The following LDLRAD4 variants were observed in gnomAD, a reference collection of about 807,000 sequenced individuals.
LDLRAD4 encodes low density lipoprotein receptor class A domain containing 4, also known as low-density lipoprotein receptor class A domain-containing protein 4.
Under a neutral mutation model 17.0 loss-of-function variants are expected in LDLRAD4, and 5 were observed. That is an observed-to-expected ratio of 0.29 (90% CI 0.15 to 0.62). LDLRAD4 has a LOEUF of 0.62. Among genes scored for constraint, LDLRAD4 ranks in the 20% least tolerant of loss-of-function variants. The pLI is 0.84. For missense variants in LDLRAD4, 340 were observed against 424.7 expected (o/e 0.80, Z 1.75); for synonymous variants, 168 against 171.8 (o/e 0.98, Z 0.17).
intron 2 of LDLRAD4, among the ~76,000 whole-genome samples, chr18:13,433,034 A>G (rs1232563807): frequency 6.6e-6 from 1 of 152,190 alleles, no homozygotes; most frequent in Non-Finnish European, 1.5e-5. Flanking sequence ...TCCTTTTATT[A>G]TAGGATATCT....
intron 1 of LDLRAD4, among the ~76,000 whole-genome samples, chr18:13,372,501 AAACAGCACAC>A (rs1367279693): frequency 6.6e-6 from 1 of 152,184 alleles, no homozygotes; most frequent in African/African-American, 2.4e-5. Context: ...ACAGAGAACA[AAACAGCACAC>A]AACAAGCAAT....
chr18:13,427,956 A>G (rs1249469855), intron 2 of LDLRAD4, among the ~76,000 whole-genome samples: 6 of 152,172 alleles, frequency 3.9e-5, no homozygotes, highest in Admixed American at 6.5e-5. Flanking sequence ...GAACCTCTCC[A>G]CAGGCTTTTA....
chr18:13,396,379 C>T (rs1409209502), intron 2 of LDLRAD4, among the ~76,000 whole-genome samples: 1 of 152,240 alleles, frequency 6.6e-6, no homozygotes, highest in Non-Finnish European at 1.5e-5. Context: ...ACTTAGAACA[C>T]ACAGACATCC....
At chr18:13,481,411 C>T (rs1163852747) in intron 3 of LDLRAD4, among the ~76,000 whole-genome samples, 1 of 152,160 alleles carries the variant, frequency 6.6e-6, no homozygotes. Flanking sequence ...GAAGCGGGGG[C>T]ACGTGTAGAC....
chr18:13,491,634 T>C (rs1484669232), intron 3 of LDLRAD4: 1 of 152,212 alleles, frequency 6.6e-6, no homozygotes, highest in Non-Finnish European at 1.5e-5. Context: ...ACGTTTGATT[T>C]TATAGCAAAA....
chr18:13,374,657 C>T (rs12458792), intron 1 of LDLRAD4, among the ~76,000 whole-genome samples: 27 of 152,260 alleles, frequency 1.8e-4, no homozygotes, highest in African/African-American at 6.0e-4. Flanking sequence ...GCCCCAGCCC[C>T]GACAGATAGT....
chr18:13,640,392 C>G (rs983719708), intron 4 of LDLRAD4, among the ~76,000 whole-genome samples: 1 of 151,948 alleles, frequency 6.6e-6, no homozygotes, highest in Non-Finnish European at 1.5e-5. Context: ...CTGTTACATT[C>G]CTGCAAAAAA....
At chr18:13,224,396 C>T (rs528473539) in intron 1 of LDLRAD4, among the ~76,000 whole-genome samples, 3 of 152,174 alleles carry the variant, frequency 2.0e-5, no homozygotes, top group Non-Finnish European at 4.4e-5. Flanking sequence ...GCTGGGAATG[C>T]CCCCACCAGC....
At chr18:13,354,790 C>T (rs896053622) in intron 1 of LDLRAD4, among the ~76,000 whole-genome samples, 2 of 152,146 alleles carry the variant, frequency 1.3e-5, no homozygotes, top group South Asian at 4.2e-4. Flanking sequence ...GCAGTTTGGT[C>T]GGCACTGAGG....
At position 13,622,505 on chromosome 18, in the gene LDLRAD4, C is replaced by G. The variant is rs1323372637; in HGVS notation, c.336+1234C>G. 6.6e-6 allele frequency among the ~76,000 whole-genome samples: 1 copy of G among 152,206 alleles called. No homozygotes were observed. Among genetic ancestry groups the G allele is most frequent in the East Asian group, 1.9e-4 (1 of 5,200 alleles). On this transcript the variant is annotated intron_variant, in intron 4 of 5. Coordinates refer to ENST00000359446, the Ensembl canonical transcript of LDLRAD4. This position sits in a 1 kb window ranked among gnomAD's most constrained non-coding sequence, Gnocchi z 5.3. ...CATCCTCTCTTGCCCCTTCTGTCCT[C>G]TCTCTGGATGCCCAGTTCAGTCCAC...
At chr18:13,525,597 G>A (rs903999108) in intron 3 of LDLRAD4, among the ~76,000 whole-genome samples, 4 of 152,256 alleles carry the variant, frequency 2.6e-5, no homozygotes, top group Non-Finnish European at 4.4e-5. Flanking sequence ...TTGTGTCTGG[G>A]AAGGTCTTGG....
At chr18:13,550,687 C>G (rs534476350) in intron 3 of LDLRAD4, among the ~76,000 whole-genome samples, 2 of 152,204 alleles carry the variant, frequency 1.3e-5, no homozygotes, top group Non-Finnish European at 2.9e-5. Context: ...CCTGCCAAAA[C>G]GTAAGCCGAG....
rs774583195 is a variant in LDLRAD4 at position 13,621,158 on chromosome 18, G to A, written c.223G>A (p.Val75Ile). The change falls in exon 4 of 6, where the codon GTC becomes ATC. Residue 75 changes from valine (V) to isoleucine (I), a missense_variant. Coordinates refer to ENST00000359446, the Ensembl canonical transcript of LDLRAD4. The surrounding 1 kb of genome is among the most constrained non-coding windows in gnomAD (Gnocchi z 5.5). ...CCAAATCATCATCATCGTCGTGGTG[G>A]TCACGGTGATGGTGGTGGTCATCGT... is the stretch of plus-strand genomic sequence containing the variant. The A allele has an allele frequency of 2.6e-5, 42 of 1,614,086 alleles. 1 individual carries two copies. Among genetic ancestry groups the A allele is most frequent in the South Asian group, 4.4e-5 (4 of 91,092 alleles).
chr18:13,314,153 G>T (rs1295065175), intron 1 of LDLRAD4, among the ~76,000 whole-genome samples: 1 of 152,170 alleles, frequency 6.6e-6, no homozygotes, highest in Non-Finnish European at 1.5e-5. Flanking sequence ...AATCAGTGGG[G>T]CCCGAGGGGA....
rs749566816 is a variant in LDLRAD4, at chr18:13,230,092, T to G, written c.-467+11104T>G. Among the ~76,000 whole-genome samples, 76 of 152,316 alleles carry G rather than the reference T, an allele frequency of 5.0e-4. 1 individual carries two copies. The highest frequency in any genetic ancestry group is 7.8e-4 in the Non-Finnish European group (53 of 68,020). Reference sequence around the variant, plus strand: ...ATTAGGTCACGAGGCTTCTCCCTCATGTGTGGGATTAGTGCCTTTATAACA... The same window carrying G: ...ATTAGGTCACGAGGCTTCTCCCTCAGGTGTGGGATTAGTGCCTTTATAACA... On this transcript the variant is annotated intron_variant, in intron 1 of 5. Transcript: ENST00000399848.
rs546150580 is a variant in LDLRAD4, at chr18:13,389,236, C to G, written c.40+1474C>G. Among the ~76,000 whole-genome samples the G allele has an allele frequency of 6.6e-5, 10 of 152,264 alleles. No individual in the cohort carries two copies. In the South Asian group the frequency reaches 1.9e-3, roughly 28 times the overall value. ...GTTTCCGTCTCAGGAGCAGCTCCCT[C>G]GTGGATACTCCTCCCCTCCAGGCAG... On this transcript the variant is annotated intron_variant, in intron 2 of 5. Coordinates refer to ENST00000359446, the Ensembl canonical transcript of LDLRAD4.
intron 3 of LDLRAD4, among the ~76,000 whole-genome samples, chr18:13,590,973 C>T (rs1415861319): frequency 3.3e-5 from 5 of 152,342 alleles, no homozygotes; most frequent in African/African-American, 1.2e-4. Flanking sequence ...TCTTTGTCTT[C>T]AGATTTTTCT....
At chr18:13,460,639 G>A (rs1334294898) in intron 3 of LDLRAD4, among the ~76,000 whole-genome samples, 1 of 152,168 alleles carries the variant, frequency 6.6e-6, no homozygotes, top group Non-Finnish European at 1.5e-5. Flanking sequence ...GCTGTTGAGA[G>A]AGACCAAAAA....
chr18:13,612,215 A>T, intron 3 of LDLRAD4: 10 of 989,674 alleles, frequency 1.0e-5, no homozygotes, highest in Non-Finnish European at 1.1e-5. Context: ...GTGTGACAAG[A>T]TGAGCCGTCT....
Sources: allele counts gnomAD v4.1 joint callset (sites outside exome capture counted in the v4.1 genomes callset), GRCh38; gene constraint gnomAD v4.1.1; non-coding constraint Gnocchi (gnomAD v3.1); transcripts MANE v1.5; gene names NCBI Gene and HGNC (gene_info 2026-07-23, HGNC 2026-07-21).